The following PSMA1 variants were observed in gnomAD, a reference collection of about 807,000 sequenced individuals.
PSMA1 encodes proteasome 20S subunit alpha 1, also known as proteasome subunit alpha type-1.
Under a neutral mutation model 38.4 loss-of-function variants are expected in PSMA1, and 3 were observed. The observed-to-expected ratio is 0.08, with a 90% CI of 0.04 to 0.20. PSMA1 has a LOEUF of 0.20. Ranked by LOEUF, PSMA1 falls within the 10% of genes least tolerant of loss-of-function variation. The pLI is 1.00. For missense variants in PSMA1, 227 were observed against 325.3 expected (o/e 0.70, Z 2.32); for synonymous variants, 101 against 107.1 (o/e 0.94, Z 0.35).
At chr11:14,559,763 G>C (rs1364370910) in intron 2 of PSMA1, among the ~76,000 whole-genome samples, 1 of 152,156 alleles carries the variant, frequency 6.6e-6, no homozygotes, top group Non-Finnish European at 1.5e-5. Context: ...AGTGTCTTCT[G>C]TTAAAATATA....
At chr11:14,608,527 G>A (rs369379329) in intron 2 of PSMA1, among the ~76,000 whole-genome samples, 2 of 149,342 alleles carry the variant, frequency 1.3e-5, no homozygotes, top group African/African-American at 2.5e-5. Context: ...AAACCTGAAC[G>A]TTGTGCACAT....
chr11:14,520,147 T>G, intron 1 of PSMA1, 150 bp downstream of exon 1: 1 of 1,261,034 alleles, frequency 7.9e-7, no homozygotes. Flanking sequence ...AGGCCGGAGA[T>G]GCTGAATCAC....
chr11:14,524,311 CG>C, upstream of PSMA1, among the ~76,000 whole-genome samples: 1 of 151,972 alleles, frequency 6.6e-6, no homozygotes, highest in Non-Finnish European at 1.5e-5. Flanking sequence ...GTGACCTGCA[CG>C]TATACATCCA....
At chr11:14,607,151 G>A (rs893582580) in intron 2 of PSMA1, among the ~76,000 whole-genome samples, 2 of 152,224 alleles carry the variant, frequency 1.3e-5, no homozygotes, top group Non-Finnish European at 2.9e-5. Flanking sequence ...AGAGAGGTTG[G>A]CAGAGAGCCG....
chr11:14,507,174 G>T (rs976943124), intron 9 of PSMA1, among the ~76,000 whole-genome samples: 98 of 143,960 alleles, frequency 6.8e-4, no homozygotes, highest in Non-Finnish European at 9.5e-4. Context: ...TTTTGTGTTT[G>T]TTTTTTTTTT....
intron 2 of PSMA1, among the ~76,000 whole-genome samples, chr11:14,561,386 C>T (rs1852006379): frequency 1.3e-5 from 2 of 152,170 alleles, no homozygotes; most frequent in South Asian, 4.1e-4. Context: ...GCCTGAAATG[C>T]CTAACTCTCC....
intron 3 of PSMA1, 34 bp from the exon 4 acceptor site, chr11:14,517,779 A>G (rs1487333392): frequency 6.5e-7 from 1 of 1,544,274 alleles, no homozygotes; most frequent in Non-Finnish European, 8.7e-7. Flanking sequence ...TAAAAAAAAA[A>G]AAAAAAGAGA....
chr11:14,616,508 A>C (rs1229672591), intron 1 of PSMA1, among the ~76,000 whole-genome samples: 4 of 152,172 alleles, frequency 2.6e-5, no homozygotes, highest in Non-Finnish European at 4.4e-5. Flanking sequence ...CTAAGACTAC[A>C]GGTGTGAACC....
At chr11:14,508,377 C>T (rs1851281679) in intron 8 of PSMA1, among the ~76,000 whole-genome samples, 2 of 151,986 alleles carry the variant, frequency 1.3e-5, no homozygotes, top group South Asian at 2.1e-4. Context: ...CTAAGGCCAA[C>T]CCTTCCACCT....
chr11:14,535,159 G>T (rs943613043), intron 2 of PSMA1, among the ~76,000 whole-genome samples: 2 of 148,300 alleles, frequency 1.3e-5, no homozygotes, highest in Non-Finnish European at 1.5e-5. Flanking sequence ...AGAAGCTAAG[G>T]TTTTTTTTTT....
intron 2 of PSMA1, among the ~76,000 whole-genome samples, chr11:14,536,392 T>A (rs539307027): frequency 6.6e-6 from 1 of 151,682 alleles, no homozygotes; most frequent in East Asian, 2.0e-4. Flanking sequence ...CCGGGCTTGG[T>A]GGTGAGCGCC....
intron 2 of PSMA1, among the ~76,000 whole-genome samples, chr11:14,550,498 G>A (rs1375743442): frequency 2.6e-5 from 4 of 152,002 alleles, no homozygotes; most frequent in Admixed American, 2.6e-4. Flanking sequence ...CAGTTGCCTG[G>A]TATTTTTTCT....
chr11:14,611,706 T>A (rs539136947), intron 1 of PSMA1, among the ~76,000 whole-genome samples: 20 of 152,290 alleles, frequency 1.3e-4, no homozygotes, highest in African/African-American at 4.8e-4. Context: ...AATCCTAATC[T>A]TTGGTAATGA....
chr11:14,513,787 T>C (rs1851383910), intron 6 of PSMA1, 30 bp downstream of exon 6: 2 of 1,555,042 alleles, frequency 1.3e-6, no homozygotes, highest in East Asian at 2.3e-5. Context: ...AAAAAAATCA[T>C]TAACATATAA....
At chr11:14,642,344 T>C (rs552348420) in intron 1 of PSMA1, among the ~76,000 whole-genome samples, 1 of 146,234 alleles carries the variant, frequency 6.8e-6, no homozygotes, top group East Asian at 2.0e-4. Flanking sequence ...GAGCATTTTT[T>C]TTCTTGTCAT....
chr11:14,585,108 G>A (rs1443093134), intron 2 of PSMA1, among the ~76,000 whole-genome samples: 1 of 152,088 alleles, frequency 6.6e-6, no homozygotes, highest in African/African-American at 2.4e-5. Flanking sequence ...TGATTAATTG[G>A]GTTATACATG....
chr11:14,510,033 G>A (rs536048613), intron 8 of PSMA1, among the ~76,000 whole-genome samples: 4 of 152,260 alleles, frequency 2.6e-5, no homozygotes, highest in East Asian at 3.9e-4. Context: ...TCAATCTGTC[G>A]TTAAAATGCC....
chr11:14,561,488 C>T (rs928211138), intron 2 of PSMA1, among the ~76,000 whole-genome samples: 1 of 152,226 alleles, frequency 6.6e-6, no homozygotes, highest in East Asian at 1.9e-4. Context: ...CTGGTTACCA[C>T]AGTGACTAGT....
intron 2 of PSMA1, among the ~76,000 whole-genome samples, chr11:14,525,488 T>C (rs960366652): frequency 1.1e-4 from 17 of 152,174 alleles, no homozygotes; most frequent in Non-Finnish European, 2.1e-4. Flanking sequence ...TAAAGCCTGT[T>C]ATCAGTTGCC....
Sources: allele counts gnomAD v4.1 joint callset (sites outside exome capture counted in the v4.1 genomes callset), GRCh38; gene constraint gnomAD v4.1.1; transcripts MANE v1.5; gene names NCBI Gene and HGNC (gene_info 2026-07-23, HGNC 2026-07-21).